The following CEP112 variants were observed in gnomAD, a reference collection of about 807,000 sequenced individuals.
CEP112 encodes centrosomal protein of 112 kDa.
A neutral mutation model predicts 153.0 loss-of-function variants in CEP112; 127 were observed. The ratio of observed to expected loss-of-function variants is 0.83; its 90% CI spans 0.72 to 0.96. The LOEUF is 0.96. CEP112 is among the 40% of genes least tolerant of loss of function. The pLI is 0.00. For missense variants in CEP112, 1,089 were observed against 1,101.2 expected, an observed-to-expected ratio of 0.99 and a Z score of 0.16; for synonymous variants, 358 against 374.4, an observed-to-expected ratio of 0.96 and a Z score of 0.51.
chr17:65,752,628 A>T (rs2051953089), intron 21 of CEP112, among the ~76,000 whole-genome samples: 1 of 152,206 alleles, frequency 6.6e-6, no homozygotes. Flanking sequence ...TCCCAAATGC[A>T]GACTTTCAAC....
At chr17:65,664,013 T>G (rs544476108) in intron 24 of CEP112, among the ~76,000 whole-genome samples, 1 of 152,196 alleles carries the variant, frequency 6.6e-6, no homozygotes, top group African/African-American at 2.4e-5. Flanking sequence ...GCTACTGCAC[T>G]CCAGCCTGGG....
intron 4 of CEP112, among the ~76,000 whole-genome samples, chr17:66,133,548 G>A (rs1054948309): frequency 6.6e-5 from 10 of 152,060 alleles, no homozygotes; most frequent in South Asian, 4.1e-4. Flanking sequence ...AAAAAGACTC[G>A]TCTCTAATAT....
intron 22 of CEP112, among the ~76,000 whole-genome samples, chr17:65,744,638 T>C (rs1368067261): frequency 6.6e-6 from 1 of 152,226 alleles, no homozygotes; most frequent in Non-Finnish European, 1.5e-5. Context: ...TGGATAGTTA[T>C]TTTGGTTTAC....
intron 17 of CEP112, among the ~76,000 whole-genome samples, chr17:65,993,836 G>A (rs1427414151): frequency 3.3e-5 from 5 of 152,086 alleles, no homozygotes; most frequent in Admixed American, 2.6e-4. Context: ...GGGCAGTGAC[G>A]GTTAGGGGCT....
At chr17:65,661,855 T>A (rs2046401020) in intron 24 of CEP112, 2 of 152,150 alleles carry the variant, frequency 1.3e-5, no homozygotes, top group African/African-American at 4.8e-5. Flanking sequence ...CAGTTAGTAG[T>A]TCATTTTCCA....
intron 6 of CEP112, among the ~76,000 whole-genome samples, chr17:66,103,721 C>T (rs745973340): frequency 2.0e-4 from 30 of 152,200 alleles, no homozygotes; most frequent in Admixed American, 3.9e-4. Context: ...GAATGAGATG[C>T]CAAAGAAGGT....
intron 23 of CEP112, among the ~76,000 whole-genome samples, chr17:65,720,708 T>A (rs1437723540): frequency 6.6e-6 from 1 of 152,164 alleles, no homozygotes; most frequent in Non-Finnish European, 1.5e-5. Flanking sequence ...CTTGAACATA[T>A]CTCAACACTT....
At chr17:65,799,149 T>C (rs1367216387) in intron 21 of CEP112, among the ~76,000 whole-genome samples, 2 of 152,158 alleles carry the variant, frequency 1.3e-5, no homozygotes, top group African/African-American at 2.4e-5. Flanking sequence ...TATTTTGAGG[T>C]GAAATTAAGA....
chr17:65,977,101 A>G (rs1272095463), intron 17 of CEP112, among the ~76,000 whole-genome samples: 2 of 152,174 alleles, frequency 1.3e-5, no homozygotes, highest in East Asian at 1.9e-4. Flanking sequence ...ACAGCTGTAT[A>G]TTATAAAGAC....
intron 22 of CEP112, among the ~76,000 whole-genome samples, chr17:65,746,165 CAAAAAAAAAA>C (rs56361589): frequency 2.0e-5 from 1 of 49,492 alleles, no homozygotes; most frequent in African/African-American, 9.0e-5. Flanking sequence ...AACTCCATCT[CAAAAAAAAAA>C]AAAAAAAAAA....
intron 16 of CEP112, among the ~76,000 whole-genome samples, chr17:66,008,391 C>G (rs1359298269): frequency 6.6e-6 from 1 of 152,036 alleles, no homozygotes; most frequent in East Asian, 1.9e-4. Context: ...GGTCTCACTG[C>G]CACCCAGGCT....
chr17:65,872,698 T>G (rs1408539208), intron 20 of CEP112, among the ~76,000 whole-genome samples: 3 of 152,174 alleles, frequency 2.0e-5, no homozygotes, highest in African/African-American at 7.2e-5. Flanking sequence ...ACTAAAAAAG[T>G]AAATGTGGTT....
At chr17:65,654,056 CAAAAAA>C (rs773433478) in intron 24 of CEP112, among the ~76,000 whole-genome samples, 10 of 26,882 alleles carry the variant, frequency 3.7e-4, no homozygotes, top group East Asian at 8.0e-4. Context: ...AAGACTCCAT[CAAAAAA>C]AAAAAAAAAA....
intron 8 of CEP112, among the ~76,000 whole-genome samples, chr17:66,078,579 C>T (rs1225675244): frequency 1.3e-5 from 2 of 152,014 alleles, no homozygotes; most frequent in Non-Finnish European, 2.9e-5. Context: ...TTATGTGGAG[C>T]ATTTAGGCCA....
chr17:66,121,144 C>T (rs954634927), intron 6 of CEP112, among the ~76,000 whole-genome samples: 1 of 152,100 alleles, frequency 6.6e-6, no homozygotes, highest in Admixed American at 6.6e-5. Flanking sequence ...GGCGTGGTGG[C>T]ACATGCCTGT....
At chr17:65,917,459 T>G (rs2060535644) in intron 19 of CEP112, among the ~76,000 whole-genome samples, 1 of 145,342 alleles carries the variant, frequency 6.9e-6, no homozygotes, top group Non-Finnish European at 1.5e-5. Context: ...CATGGTCATT[T>G]ACCACATTAC....
Position 65,637,153 on chromosome 17 carries a change from C to A in CEP112, c.2835G>T (p.Gln945His), listed in dbSNP as rs1191594183. The A allele has an allele frequency of 1.9e-6, 3 of 1,614,074 alleles. No homozygotes were observed. In the South Asian group the frequency reaches 3.3e-5, roughly 18 times the overall value. Residue 945 changes from glutamine to histidine, a missense_variant, in exon 26 of 27, where the codon CAG (glutamine) becomes CAT (histidine). By Grantham distance (24) the Gln-to-His change is conservative (BLOSUM62 0). Coordinates refer to ENST00000535342, the MANE Select transcript of CEP112 (RefSeq NM_001199165.4). ...NFLQKRASIL[Q>H]EELTTYQGRR ...TGCCTTGATATGTAGTCAGTTCTTC[C>A]TGAAGGATGGAAGCTCTCTTTTGCA...
chr17:65,790,634 C>G (rs746752503), intron 21 of CEP112, among the ~76,000 whole-genome samples: 15 of 152,142 alleles, frequency 9.9e-5, no homozygotes, highest in East Asian at 5.8e-4. Context: ...TAATTAGGAC[C>G]TATATTTTCT....
rs1050689642 is a variant in CEP112, at chr17:66,154,522, TAAATA to T, written c.470+20517_470+20521del. On this transcript the variant is annotated intron_variant, in intron 4 of 26. Coordinates refer to ENST00000535342, the MANE Select transcript of CEP112 (RefSeq NM_001199165.4). ...AGAGCGAGACTCTGTGTAGAAAAAA[TAAATA>T]AAATAAAATAAAAATAATGCTAGAT... 1.1e-3 allele frequency among the ~76,000 whole-genome samples: 160 copies of T among 151,748 alleles called. 1 individual carries two copies. Among genetic ancestry groups the T allele is most frequent in the African/African-American group, 3.6e-3 (148 of 41,364 alleles).
Sources: gnomAD v4.1 joint callset for allele counts (sites outside exome capture counted in the v4.1 genomes callset) on GRCh38, gnomAD v4.1.1 for gene constraint, MANE v1.5 for transcripts, NCBI Gene and HGNC (gene_info 2026-07-23, HGNC 2026-07-21) for gene names.